The following EXT1 variants were observed in gnomAD, a reference collection of about 807,000 sequenced individuals.
The protein encoded by EXT1 is exostosin-1.
EXT1 carries 20 observed loss-of-function variants against 82.5 expected under a neutral mutation model. The ratio of observed to expected loss-of-function variants is 0.24; its 90% confidence interval spans 0.17 to 0.35. The LOEUF is 0.35. Among genes scored for constraint, EXT1 ranks in the 10% least tolerant of loss-of-function variants. The pLI is 1.00. For synonymous variants in EXT1, 348 were observed against 350.8 expected, an observed-to-expected ratio of 0.99 and a Z score of 0.09; for missense variants, 757 against 936.5, an observed-to-expected ratio of 0.81 and a Z score of 2.50.
chr8:117,864,871 T>C (rs57933780), intron 1 of EXT1, among the ~76,000 whole-genome samples: 5,315 of 152,178 alleles, frequency 0.035, 322 homozygotes, highest in African/African-American at 0.12. Context: ...GGCTGTGGGA[T>C]GGACAAGCTT....
intron 1 of EXT1, among the ~76,000 whole-genome samples, chr8:117,962,761 CCCCA>C (rs1397021706): frequency 7.6e-6 from 1 of 131,338 alleles, no homozygotes; most frequent in African/African-American, 4.0e-5. Flanking sequence ...CCCCCACACC[CCCCA>C]CCCCCAAAAA....
Position 117,798,537 on chromosome 8 carries a change from A to G in EXT1, c.*1175T>C, listed in dbSNP as rs1823116996. On this transcript the variant is annotated 3_prime_UTR_variant, in exon 11 of 11. Coordinates refer to ENST00000378204, the MANE Select transcript of EXT1 (RefSeq NM_000127.3). ...CCACAGATTTAAAAATTAAAAGTAA[A>G]TGAAACTATATTCACATTTGTTGTT... 1.3e-5 allele frequency: 2 copies of G among 152,234 alleles called. No homozygotes were observed. The highest frequency in any genetic ancestry group is 4.8e-5 in the African/African-American group (2 of 41,470). 9.4% of individuals were successfully genotyped at this position (152,234 alleles called of 1,614,324 possible). A position where few individuals can be genotyped will look rare whatever the true frequency, so the allele number is the denominator to read the frequency against.
At chr8:117,934,798 C>A (rs542593557) in intron 1 of EXT1, among the ~76,000 whole-genome samples, 3 of 152,140 alleles carry the variant, frequency 2.0e-5, no homozygotes, top group Admixed American at 1.3e-4. Context: ...CTTTTATGTA[C>A]GTATTTTTTT....
chr8:117,908,591 C>G (rs1384045561), intron 1 of EXT1, among the ~76,000 whole-genome samples: 1 of 151,818 alleles, frequency 6.6e-6, no homozygotes, highest in East Asian at 1.9e-4. Context: ...GATCGTGTCA[C>G]TGCACTCCAG....
At chr8:118,031,145 C>T (rs1586353058) in intron 1 of EXT1, among the ~76,000 whole-genome samples, 3 of 152,116 alleles carry the variant, frequency 2.0e-5, no homozygotes, top group African/African-American at 7.2e-5. Flanking sequence ...AGCTGCTCCT[C>T]GGCTCCAGCT....
chr8:117,982,953 A>T (rs978747624), intron 1 of EXT1, among the ~76,000 whole-genome samples: 1 of 152,226 alleles, frequency 6.6e-6, no homozygotes, highest in Non-Finnish European at 1.5e-5. Flanking sequence ...TTTTTACAAG[A>T]TAAAAAACCA....
intron 1 of EXT1, among the ~76,000 whole-genome samples, chr8:118,018,461 G>A (rs1270093812): frequency 6.6e-6 from 1 of 152,118 alleles, no homozygotes; most frequent in African/African-American, 2.4e-5. Context: ...CCCTCTAACA[G>A]CCCACGGAAG....
At chr8:118,057,909 T>C (rs944018596) in intron 1 of EXT1, among the ~76,000 whole-genome samples, 1 of 150,114 alleles carries the variant, frequency 6.7e-6, no homozygotes, top group South Asian at 2.1e-4. Context: ...GAGGCAGAGG[T>C]TGCAGTGAGC....
chr8:117,832,033 G>A (rs1812108773), intron 3 of EXT1, among the ~76,000 whole-genome samples: 2 of 152,092 alleles, frequency 1.3e-5, no homozygotes, highest in South Asian at 4.2e-4. Flanking sequence ...TTATATCATA[G>A]AACCTTTATC....
chr8:118,108,899 A>G (rs1165333826), intron 1 of EXT1, among the ~76,000 whole-genome samples: 1 of 152,174 alleles, frequency 6.6e-6, no homozygotes, highest in African/African-American at 2.4e-5. Flanking sequence ...AACCTCTGCC[A>G]GTTCCTCTTG....
intron 1 of EXT1, among the ~76,000 whole-genome samples, chr8:118,085,534 C>A (rs1817402600): frequency 7.0e-6 from 1 of 142,742 alleles, no homozygotes; most frequent in African/African-American, 2.6e-5. Context: ...TGGGAACATA[C>A]TATATTCAGA....
At chr8:117,948,343 G>C (rs868182214) in intron 1 of EXT1, among the ~76,000 whole-genome samples, 2 of 142,858 alleles carry the variant, frequency 1.4e-5, no homozygotes, top group African/African-American at 5.6e-5. Flanking sequence ...AAAAAAAAAG[G>C]AGTAGTAACA....
intron 1 of EXT1, among the ~76,000 whole-genome samples, chr8:117,894,117 T>C (rs1431171484): frequency 1.3e-5 from 2 of 152,164 alleles, no homozygotes; most frequent in East Asian, 1.9e-4. Context: ...CCTACTGCAA[T>C]AGTTCCTGAC....
intron 4 of EXT1, among the ~76,000 whole-genome samples, chr8:117,827,404 T>A (rs921732931): frequency 6.6e-6 from 1 of 151,902 alleles, no homozygotes; most frequent in East Asian, 1.9e-4. Context: ...GTAAAAAAAA[T>A]TAAAACACTG....
intron 1 of EXT1, among the ~76,000 whole-genome samples, chr8:118,060,443 A>C (rs1313960492): frequency 6.6e-6 from 1 of 152,190 alleles, no homozygotes; most frequent in Non-Finnish European, 1.5e-5. Flanking sequence ...ACTTTCTTGC[A>C]TGACAACCAT....
chr8:117,831,284 A>G (rs1467108909), intron 3 of EXT1, among the ~76,000 whole-genome samples: 1 of 152,218 alleles, frequency 6.6e-6, no homozygotes, highest in Non-Finnish European at 1.5e-5. Context: ...AAGTGGGGAT[A>G]AAGTACTAAG....
intron 1 of EXT1, among the ~76,000 whole-genome samples, chr8:117,866,265 A>T (rs1439302439): frequency 6.6e-6 from 1 of 152,152 alleles, no homozygotes; most frequent in African/African-American, 2.4e-5. Context: ...AAAATACTAA[A>T]AATATTTTTA....
chr8:117,888,397 A>T (rs1411519150), intron 1 of EXT1, among the ~76,000 whole-genome samples: 7 of 152,186 alleles, frequency 4.6e-5, no homozygotes, highest in Admixed American at 3.9e-4. Context: ...TCAGATCTTC[A>T]AAATTGGTTG....
In EXT1 at chr8:118,076,938, T is replaced by C. The variant is rs533312190; in HGVS notation, c.962+33147A>G. ...TTTTTTTGAAATGCTTGGAAAGCAA[T>C]GTTACAATTTAAAACTAGAGGGAAA... On this transcript the variant is annotated intron_variant, in intron 1 of 10. Coordinates refer to ENST00000378204, the MANE Select transcript of EXT1 (RefSeq NM_000127.3). Among the ~76,000 whole-genome samples, 104 of 152,176 alleles carry C rather than the reference T, an allele frequency of 6.8e-4. No homozygotes were observed. The Middle Eastern group carries it at 0.01, about 15-fold the overall frequency.
Sources: gnomAD v4.1 joint callset for allele counts (sites outside exome capture counted in the v4.1 genomes callset) on GRCh38, gnomAD v4.1.1 for gene constraint, MANE v1.5 for transcripts, NCBI Gene and HGNC (gene_info 2026-07-23, HGNC 2026-07-21) for gene names.